The following UGT1A5 variants were observed in gnomAD, a reference collection of about 807,000 sequenced individuals.
UGT1A5 encodes UDP-glucuronosyltransferase 1A5.
A neutral mutation model predicts 40.3 loss-of-function variants in UGT1A5; 29 were observed. The observed-to-expected ratio is 0.72, with a 90% CI of 0.54 to 0.98. The LOEUF is 0.98. Ranked by LOEUF, UGT1A5 falls within the 50% of genes least tolerant of loss-of-function variation. UGT1A5 has a pLI of 0.00. For synonymous variants in UGT1A5, 257 were observed against 262.5 expected (o/e 0.98, Z 0.20); for missense variants, 678 against 677.9 (o/e 1.00, Z 0.00).
At chr2:233,755,150 C>A (rs1325253274) in intron 1 of UGT1A5, 1 of 1,299,090 alleles carries the variant, frequency 7.7e-7, no homozygotes, top group Non-Finnish European at 1.0e-6. Flanking sequence ...TCACCGCTTC[C>A]TCCCTGTCCT....
chr2:233,757,899 T>C (rs1696747026), intron 1 of UGT1A5, among the ~76,000 whole-genome samples: 1 of 152,126 alleles, frequency 6.6e-6, no homozygotes, highest in African/African-American at 2.4e-5. Context: ...ACACTTTCCA[T>C]GGACGTGTCA....
chr2:233,743,655 C>G (rs367682058), intron 1 of UGT1A5: 8 of 1,367,176 alleles, frequency 5.9e-6, no homozygotes, highest in Non-Finnish European at 7.8e-6. Flanking sequence ...AAGACGTACT[C>G]GAAGGGGTCC....
At chr2:233,743,792 G>C (rs775660405) in intron 1 of UGT1A5, 3 of 1,367,294 alleles carry the variant, frequency 2.2e-6, no homozygotes, top group Non-Finnish European at 2.9e-6. Flanking sequence ...TCTCCTCTCC[G>C]CTTCCTCCTT....
At chr2:233,754,276 G>C (rs906718442) in intron 1 of UGT1A5, 1 of 190,364 alleles carries the variant, frequency 5.3e-6, no homozygotes, top group Non-Finnish European at 1.1e-5. Context: ...AAAGTGCTGA[G>C]ATGAACATTC....
chr2:233,765,865 C>T (rs953477423), intron 1 of UGT1A5, among the ~76,000 whole-genome samples: 7 of 151,942 alleles, frequency 4.6e-5, no homozygotes, highest in South Asian at 2.1e-4. Context: ...CATGTGACAG[C>T]GGGAGGGGCT....
intron 1 of UGT1A5, chr2:233,741,799 G>C (rs1253457401): frequency 6.6e-6 from 1 of 151,906 alleles, no homozygotes; most frequent in Non-Finnish European, 1.5e-5. Flanking sequence ...TTACCAGCAT[G>C]CTGCTCTTAA....
At chr2:233,717,671 C>T (rs192021569) in intron 1 of UGT1A5, 19 of 419,042 alleles carry the variant, frequency 4.5e-5, no homozygotes, top group African/African-American at 1.2e-4. Flanking sequence ...AGCAATCTTG[C>T]GAGCACATGT....
chr2:233,730,870 C>G (rs1312023750), intron 1 of UGT1A5, among the ~76,000 whole-genome samples: 2 of 152,146 alleles, frequency 1.3e-5, no homozygotes, highest in Admixed American at 1.3e-4. Context: ...CTACTGCACT[C>G]CAGGTTTCTA....
chr2:233,755,006 C>T (rs1286236812), intron 1 of UGT1A5: 2 of 1,291,954 alleles, frequency 1.5e-6, no homozygotes, highest in Admixed American at 1.9e-5. Context: ...TGAAGACCTA[C>T]TCGAAGGGGT....
rs1270909103 is a variant in UGT1A5, at chr2:233,767,175, T to G, written c.999+10T>G. On this transcript the variant is annotated intron_variant, in intron 2 of 4. Transcript: ENST00000373414. Reference sequence around the variant, plus strand: ...CAAAATCCCTCAGACAGTAAGAAGATTCTATACCATGGCCTCATATCTATT... The same window carrying G: ...CAAAATCCCTCAGACAGTAAGAAGAGTCTATACCATGGCCTCATATCTATT... The G allele has an allele frequency of 1.4e-5, 22 of 1,613,924 alleles. No individual in the cohort carries two copies. The highest frequency in any genetic ancestry group is 1.9e-5 in the Non-Finnish European group (22 of 1,180,010).
At chr2:233,764,396 C>G (rs1202361734) in intron 1 of UGT1A5, among the ~76,000 whole-genome samples, 1 of 152,202 alleles carries the variant, frequency 6.6e-6, no homozygotes, top group African/African-American at 2.4e-5. Flanking sequence ...GTGATGACAA[C>G]TTCTCTGCAG....
At chr2:233,726,021 C>A (rs745583361) in intron 1 of UGT1A5, among the ~76,000 whole-genome samples, 1 of 152,022 alleles carries the variant, frequency 6.6e-6, no homozygotes, top group Non-Finnish European at 1.5e-5. Flanking sequence ...AAAAAATTAT[C>A]CAGGTGTGAT....
At chr2:233,729,975 C>T in intron 1 of UGT1A5, 1 of 1,614,046 alleles carries the variant, frequency 6.2e-7, no homozygotes, top group Non-Finnish European at 8.5e-7. Context: ...ACTGTGCCAA[C>T]AGGAAGCCAC....
At position 233,772,771 on chromosome 2, in the gene UGT1A5, G is replaced by A. The variant is rs989549467; in HGVS notation, c.*212G>A. 1 of 1,323,730 alleles carries A rather than the reference G, an allele frequency of 7.6e-7. No individual in the cohort carries two copies. The highest frequency in any genetic ancestry group is 1.5e-5 in the African/African-American group (1 of 67,390). The allele number at this position is 1,323,730 out of a possible 1,614,324, so 82.0% of individuals were successfully genotyped here. On this transcript the variant is annotated 3_prime_UTR_variant, in exon 5 of 5. Coordinates refer to ENST00000373414, the MANE Select transcript of UGT1A5 (RefSeq NM_019078.2). ...TTTGAATATGTATCGTGCCCCCTCTGGTGTCTTTGATCAGGATGACATGTG... is the reference window on the plus strand; with the variant it reads ...TTTGAATATGTATCGTGCCCCCTCTAGTGTCTTTGATCAGGATGACATGTG...
intron 1 of UGT1A5, among the ~76,000 whole-genome samples, chr2:233,730,760 A>T (rs890717703): frequency 1.3e-5 from 2 of 152,118 alleles, no homozygotes; most frequent in Non-Finnish European, 1.5e-5. Flanking sequence ...TAAGACTGTG[A>T]ATCTATAAGC....
At chr2:233,718,693 G>A in intron 1 of UGT1A5, 3 of 1,590,692 alleles carry the variant, frequency 1.9e-6, no homozygotes. Context: ...ACTGGAGGAG[G>A]GCACTTTGTC....
At chr2:233,771,280 CCTTTT>C (rs1700275539) in intron 4 of UGT1A5, 2 of 152,190 alleles carry the variant, frequency 1.3e-5, no homozygotes, top group Non-Finnish European at 1.5e-5. Flanking sequence ...CTTTCTTCTC[CCTTTT>C]CTTTTCTACT....
chr2:233,734,406 C>A (rs543210294), intron 1 of UGT1A5, among the ~76,000 whole-genome samples: 1 of 152,048 alleles, frequency 6.6e-6, no homozygotes, highest in East Asian at 1.9e-4. Flanking sequence ...CTATTTGATT[C>A]TTCTCTCTTT....
At chr2:233,726,824 AT>A (rs2077564743) in intron 1 of UGT1A5, among the ~76,000 whole-genome samples, 1 of 152,136 alleles carries the variant, frequency 6.6e-6, no homozygotes, top group Non-Finnish European at 1.5e-5. Context: ...CTATTCGACC[AT>A]TTAAATTTAA....
Sources: gnomAD v4.1 joint callset for allele counts (sites outside exome capture counted in the v4.1 genomes callset) on GRCh38, gnomAD v4.1.1 for gene constraint, MANE v1.5 for transcripts, NCBI Gene and HGNC (gene_info 2026-07-23, HGNC 2026-07-21) for gene names.